The following CGGBP1 variants were observed in gnomAD, a reference collection of about 807,000 sequenced individuals.
The protein encoded by CGGBP1 is CGG triplet repeat binding protein 1, also known as CGG triplet repeat-binding protein 1.
In CGGBP1, 4 loss-of-function variants were observed where a neutral mutation model predicts 11.4. The observed-to-expected ratio is 0.35, with a 90% CI of 0.17 to 0.80. The LOEUF (loss-of-function observed/expected upper bound fraction) is 0.80. Among genes scored for constraint, CGGBP1 ranks in the 30% least tolerant of loss-of-function variants. The pLI, the probability that CGGBP1 is intolerant of heterozygous loss-of-function variation, is 0.52. For missense variants in CGGBP1, 135 were observed against 202.1 expected (o/e 0.67, Z 2.01); for synonymous variants, 76 against 74.1 (o/e 1.03, Z -0.13).
chr3:88,066,819 G>A (rs757253001), intron 2 of CGGBP1, among the ~76,000 whole-genome samples: 6 of 152,026 alleles, frequency 3.9e-5, no homozygotes, highest in Non-Finnish European at 7.4e-5. Flanking sequence ...AGAACTTTAC[G>A]AAACCTGTAG....
chr3:88,056,786 A>G (rs1706553331), intron 3 of CGGBP1: 1 of 152,212 alleles, frequency 6.6e-6, no homozygotes, highest in Non-Finnish European at 1.5e-5. Context: ...ATACAGCAGA[A>G]CCTCAATTAA....
At chr3:88,109,141 TA>T (rs1441355966) in intron 2 of CGGBP1, among the ~76,000 whole-genome samples, 1 of 62,390 alleles carries the variant, frequency 1.6e-5, no homozygotes, top group Non-Finnish European at 4.0e-5. Flanking sequence ...AAGTGGGCAC[TA>T]GTGTGTGTGT....
chr3:88,121,448 A>ACTTT (rs897351659), intron 2 of CGGBP1, among the ~76,000 whole-genome samples: 3 of 152,230 alleles, frequency 2.0e-5, no homozygotes, highest in African/African-American at 7.2e-5. Flanking sequence ...CTTTGTAAAA[A>ACTTT]CTTTCTATTG....
At position 88,052,627 on chromosome 3, in the gene CGGBP1, T is replaced by C. The variant is rs940826737; in HGVS notation, c.*2846A>G. On this transcript the variant is annotated 3_prime_UTR_variant, in exon 4 of 4. Transcript: ENST00000482016. ...ACTTTCAGAACAATCTCAAGCTTAA[T>C]TGGTTACCATTATAAGATGCAGAAC... 11 of 152,460 alleles carry C rather than the reference T, an allele frequency of 7.2e-5. No homozygotes were observed. Among genetic ancestry groups the C allele is most frequent in the Admixed American group, 6.5e-4 (10 of 15,282 alleles). 9.4% of individuals were successfully genotyped at this position (152,460 alleles called of 1,614,324 possible).
chr3:88,128,303 A>G (rs1706241332), intron 2 of CGGBP1, among the ~76,000 whole-genome samples: 3 of 152,094 alleles, frequency 2.0e-5, no homozygotes, highest in Non-Finnish European at 1.5e-5. Context: ...GATTAATTTT[A>G]TCTTTAAATA....
chr3:88,057,125 T>A (rs1341893880), intron 3 of CGGBP1, 66 bp downstream of exon 3: 2 of 152,212 alleles, frequency 1.3e-5, no homozygotes, highest in Non-Finnish European at 2.9e-5. Flanking sequence ...TAATTCTAAG[T>A]GTGCTCTGAA....
chr3:88,064,718 T>C (rs186922341), intron 2 of CGGBP1, among the ~76,000 whole-genome samples: 133 of 152,354 alleles, frequency 8.7e-4, no homozygotes, highest in Non-Finnish European at 1.5e-3. Flanking sequence ...CTCTCCTTTT[T>C]CATTGCTTTG....
At chr3:88,080,631 C>T (rs1443325601) in intron 2 of CGGBP1, among the ~76,000 whole-genome samples, 1 of 151,204 alleles carries the variant, frequency 6.6e-6, no homozygotes, top group Non-Finnish European at 1.5e-5. Context: ...CATTCTGCTG[C>T]CAATTTACCT....
chr3:88,088,826 AC>A (rs940633377), intron 2 of CGGBP1, among the ~76,000 whole-genome samples: 1 of 151,866 alleles, frequency 6.6e-6, no homozygotes, highest in African/African-American at 2.4e-5. Flanking sequence ...AGGTTGGAGT[AC>A]AGTGGCATGA....
At chr3:88,147,468 A>T (rs1447447060) in intron 1 of CGGBP1, among the ~76,000 whole-genome samples, 1 of 152,214 alleles carries the variant, frequency 6.6e-6, no homozygotes, top group Non-Finnish European at 1.5e-5. Flanking sequence ...ACCACTGACT[A>T]GTCTGGAGAG....
intron 2 of CGGBP1, among the ~76,000 whole-genome samples, chr3:88,115,065 C>G (rs1705309750): frequency 6.6e-6 from 1 of 152,176 alleles, no homozygotes; most frequent in Admixed American, 6.5e-5. Flanking sequence ...TTCTCGTCTC[C>G]CATAAGTAGG....
At chr3:88,081,201 T>C (rs1334773889) in intron 2 of CGGBP1, among the ~76,000 whole-genome samples, 7 of 152,250 alleles carry the variant, frequency 4.6e-5, no homozygotes, top group African/African-American at 1.7e-4. Context: ...ATTGTGTCTT[T>C]CTCAATGTAT....
intron 2 of CGGBP1, chr3:88,135,306 G>C: frequency 9.7e-7 from 1 of 1,034,434 alleles, no homozygotes; most frequent in Non-Finnish European, 1.3e-6. Flanking sequence ...CTGAAGGAAA[G>C]GAGGATTTTA....
rs73844852 is a variant in CGGBP1 at position 88,074,799 on chromosome 3, T to C, written c.-228-16576A>G. On this transcript the variant is annotated intron_variant, in intron 2 of 3. Transcript: ENST00000462901. ...TACTTTTGCCAGTAAAAATTAGTGATATCAGAAGGACGATGGATGCACAGA... is the reference window on the plus strand; with the variant it reads ...TACTTTTGCCAGTAAAAATTAGTGACATCAGAAGGACGATGGATGCACAGA... Among the ~76,000 whole-genome samples, 441 of 152,338 alleles carry C rather than the reference T, an allele frequency of 2.9e-3. 2 individuals are homozygous for C. Among genetic ancestry groups the C allele is most frequent in the African/African-American group, 0.01 (424 of 41,578 alleles).
chr3:88,107,945 T>A (rs1704844175), intron 2 of CGGBP1, among the ~76,000 whole-genome samples: 1 of 152,170 alleles, frequency 6.6e-6, no homozygotes, highest in African/African-American at 2.4e-5. Flanking sequence ...TTGTTCATAG[T>A]GCTGTGTTTC....
chr3:88,147,993 A>G (rs1011245045), intron 1 of CGGBP1, among the ~76,000 whole-genome samples: 12 of 152,182 alleles, frequency 7.9e-5, no homozygotes, highest in African/African-American at 2.9e-4. Context: ...CTGCAACTCT[A>G]ACACATTGCT....
At chr3:88,076,408 C>G (rs1298250057) in intron 2 of CGGBP1, among the ~76,000 whole-genome samples, 1 of 152,072 alleles carries the variant, frequency 6.6e-6, no homozygotes, top group African/African-American at 2.4e-5. Context: ...ACAGTTACTT[C>G]TGATATATAT....
intron 2 of CGGBP1, among the ~76,000 whole-genome samples, chr3:88,099,730 T>A (rs1704290339): frequency 6.6e-6 from 1 of 152,182 alleles, no homozygotes. Context: ...GAGAAAGGAT[T>A]CCCTATTTAA....
upstream of CGGBP1, among the ~76,000 whole-genome samples, chr3:88,061,749 C>A (rs552346318): frequency 3.3e-5 from 5 of 152,148 alleles, no homozygotes; most frequent in South Asian, 1.0e-3. Context: ...TCGAAGATTT[C>A]TTTTTAAAAA....
Sources: allele counts gnomAD v4.1 joint callset (sites outside exome capture counted in the v4.1 genomes callset), GRCh38; gene constraint gnomAD v4.1.1; transcripts MANE v1.5; gene names NCBI Gene and HGNC (gene_info 2026-07-23, HGNC 2026-07-21).